CUX2: variants seen among roughly 807,000 people sequenced by gnomAD.
CUX2 encodes the protein cut like homeobox 2.
In CUX2, 40 loss-of-function variants were observed where a neutral mutation model predicts 144.8. The ratio of observed to expected loss-of-function variants is 0.28; its 90% CI spans 0.21 to 0.36. CUX2 has a LOEUF of 0.36. Among genes scored for constraint, CUX2 ranks in the 10% least tolerant of loss-of-function variants. The pLI, the probability that CUX2 is intolerant of heterozygous loss-of-function variation, is 1.00. For missense variants in CUX2, 1,615 were observed against 1,994.0 expected, an observed-to-expected ratio of 0.81 and a Z score of 3.62; for synonymous variants, 827 against 875.6, an observed-to-expected ratio of 0.94 and a Z score of 0.98.
chr12:111,081,735 T>C (rs1592873880), intron 1 of CUX2, among the ~76,000 whole-genome samples: 1 of 152,216 alleles, frequency 6.6e-6, no homozygotes, highest in African/African-American at 2.4e-5. Context: ...GCTGTGGTGG[T>C]GACCAGCCAC....
At position 111,277,184 on chromosome 12, in the gene CUX2, C is replaced by G. The variant is rs1442623071; in HGVS notation, c.301+13345C>G. Among the ~76,000 whole-genome samples the G allele has an allele frequency of 3.3e-5, 5 of 152,098 alleles. No individual in the cohort carries two copies. The highest frequency in any genetic ancestry group is 1.2e-4 in the African/African-American group (5 of 41,404). ...AAACTCACATATGGAGGGCCGCAGC[C>G]CACTCTGAACCCAGCTGCCACCCTC... On this transcript the variant is annotated intron_variant, in intron 4 of 21. Transcript: ENST00000261726. The surrounding 1 kb of genome is among the most constrained non-coding windows in gnomAD (Gnocchi z 5.0).
intron 1 of CUX2, among the ~76,000 whole-genome samples, chr12:111,054,364 C>T (rs1870424446): frequency 6.6e-6 from 1 of 152,120 alleles, no homozygotes; most frequent in South Asian, 2.1e-4. Context: ...CAACCTCACC[C>T]TAGGCATTAG....
At chr12:111,070,388 C>T (rs1871206485) in intron 1 of CUX2, among the ~76,000 whole-genome samples, 1 of 103,192 alleles carries the variant, frequency 9.7e-6, no homozygotes, top group African/African-American at 5.8e-5. Flanking sequence ...TTCCTTCCTT[C>T]CTTCTTTCCT....
At chr12:111,258,065 G>A (rs1396775998) in intron 3 of CUX2, among the ~76,000 whole-genome samples, 1 of 152,210 alleles carries the variant, frequency 6.6e-6, no homozygotes, top group African/African-American at 2.4e-5. Context: ...GCTTTCATCA[G>A]CTTCCATGGG....
At chr12:111,303,448 C>T (rs1444743360) in intron 9 of CUX2, among the ~76,000 whole-genome samples, 1 of 151,826 alleles carries the variant, frequency 6.6e-6, no homozygotes, top group Non-Finnish European at 1.5e-5. Context: ...CCAGCCTGGC[C>T]AACATGGTGA....
At chr12:111,220,743 CAAAAAAAAAAAAAAAAAAAAAAAAAA>C (rs549438290) in intron 3 of CUX2, among the ~76,000 whole-genome samples, 36 of 39,136 alleles carry the variant, frequency 9.2e-4, no homozygotes, top group African/African-American at 3.8e-3. Context: ...CTCATCTCTG[CAAAAAAAAAAAAAAAAAAAAAAAAAA>C]AAAAAAAAAA....
At chr12:111,040,656 C>A (rs1274648762) in intron 1 of CUX2, among the ~76,000 whole-genome samples, 2 of 152,182 alleles carry the variant, frequency 1.3e-5, no homozygotes, top group Non-Finnish European at 2.9e-5. Context: ...GCTAAGGACA[C>A]CCCAGAGGGT....
chr12:111,135,304 A>G (rs1170749443), intron 1 of CUX2, among the ~76,000 whole-genome samples: 3 of 152,076 alleles, frequency 2.0e-5, no homozygotes, highest in African/African-American at 7.3e-5. Context: ...TGACATTTGC[A>G]CCTTTGAAGG....
intron 2 of CUX2, among the ~76,000 whole-genome samples, chr12:111,217,304 C>A (rs1881595996): frequency 6.6e-6 from 1 of 152,158 alleles, no homozygotes; most frequent in African/African-American, 2.4e-5. Context: ...GCAGAAACTG[C>A]ACGTTCTGGT....
At position 111,322,338 on chromosome 12, in the gene CUX2, A is replaced by T; in HGVS notation, c.2767-83A>T. ...CTCTGCCTCAAAAAAAAAAAAAAAA[A>T]AAAAAAGGTTGGGGAGGAGAGTGAG... On this transcript the variant is annotated intron_variant, in intron 17 of 21. Transcript: ENST00000261726. This position sits in a 1 kb window ranked among gnomAD's most constrained non-coding sequence, Gnocchi z 4.2. 7.5e-7 allele frequency: 1 copy of T among 1,333,560 alleles called. No homozygotes were observed. The highest frequency in any genetic ancestry group is 9.9e-7 in the Non-Finnish European group (1 of 1,011,798). The allele number at this position is 1,333,560 out of a possible 1,614,324, so 82.6% of individuals were successfully genotyped here. A position where few individuals can be genotyped will look rare whatever the true frequency, so the allele number is the denominator to read the frequency against.
chr12:111,095,795 G>A (rs11836173), intron 1 of CUX2, among the ~76,000 whole-genome samples: 3 of 152,160 alleles, frequency 2.0e-5, no homozygotes, highest in Non-Finnish European at 2.9e-5. Flanking sequence ...TGAAATAAGC[G>A]AAACTCACAG....
intron 19 of CUX2, among the ~76,000 whole-genome samples, chr12:111,336,858 T>C (rs555187422): frequency 1.3e-5 from 2 of 152,122 alleles, no homozygotes; most frequent in South Asian, 2.1e-4. Context: ...GATACAAATA[T>C]TGCGTTGCAA....
intron 3 of CUX2, among the ~76,000 whole-genome samples, chr12:111,241,857 G>A (rs1165336313): frequency 6.6e-6 from 1 of 152,278 alleles, no homozygotes; most frequent in Admixed American, 6.5e-5. Context: ...GTCTTAGGAA[G>A]CAGATCTCAT....
In CUX2 at chr12:111,263,797, G is replaced by A. The variant is rs758461243; in HGVS notation, c.259G>A (p.Ala87Thr). The stretch of plus-strand genomic sequence containing the variant: ...TAGTAAGAGAAGTCAGGAGGCGGAG[G>A]CTGCTTTTCTGAGTGTTTACAAGCA... ...ALSKRSQEAE[A>T]AFLSVYKQLI... Residue 87 changes from alanine (A) to threonine (T), a missense_variant, in exon 4 of 22, where the codon GCT becomes ACT. This residue lies in a region of CUX2 where 295 missense variants were observed against 400.2 expected (regional missense o/e 0.74). Transcript: ENST00000261726. The surrounding 1 kb of genome is among the most constrained non-coding windows in gnomAD (Gnocchi z 4.0). The A allele has an allele frequency of 1.9e-6, 3 of 1,614,168 alleles. No individual in the cohort carries two copies. The South Asian group carries it at 3.3e-5, about 18-fold the overall frequency.
At chr12:111,163,858 G>A (rs972458636) in intron 1 of CUX2, among the ~76,000 whole-genome samples, 7 of 152,070 alleles carry the variant, frequency 4.6e-5, no homozygotes, top group South Asian at 2.1e-4. Flanking sequence ...ACCCAGGGGC[G>A]TTCCTTAGTC....
chr12:111,301,511 G>A (rs563537546), intron 9 of CUX2, among the ~76,000 whole-genome samples: 2 of 151,176 alleles, frequency 1.3e-5, no homozygotes, highest in Non-Finnish European at 2.9e-5. Context: ...GGTAAGACTA[G>A]TAGCTTTTTT....
At chr12:111,297,742 T>C (rs1331914440) in intron 8 of CUX2, among the ~76,000 whole-genome samples, 3 of 152,176 alleles carry the variant, frequency 2.0e-5, no homozygotes, top group Non-Finnish European at 4.4e-5. Flanking sequence ...CGGTCCTCAG[T>C]CAAGGAGAGG....
At chr12:111,291,107 C>T (rs752325417) in intron 4 of CUX2, among the ~76,000 whole-genome samples, 4 of 152,154 alleles carry the variant, frequency 2.6e-5, no homozygotes, top group African/African-American at 4.8e-5. Flanking sequence ...TCAAATGATC[C>T]GCCTACCTTA....
chr12:111,112,449 C>T (rs1000752038), intron 1 of CUX2, among the ~76,000 whole-genome samples: 2 of 152,144 alleles, frequency 1.3e-5, no homozygotes, highest in South Asian at 2.1e-4. Context: ...ATTTCTGACT[C>T]GCAGAGCTAT....
Sources: allele counts gnomAD v4.1 joint callset (sites outside exome capture counted in the v4.1 genomes callset), GRCh38; gene constraint gnomAD v4.1.1; regional missense constraint gnomAD v4.1.1; non-coding constraint Gnocchi (gnomAD v3.1); transcripts MANE v1.5; gene names NCBI Gene and HGNC (gene_info 2026-07-23, HGNC 2026-07-21).